PXDN: variants seen among roughly 807,000 people sequenced by gnomAD.
The protein encoded by PXDN is peroxidasin homolog.
In PXDN, 77 loss-of-function variants were observed where a neutral mutation model predicts 140.3. That is an observed-to-expected ratio of 0.55 (90% CI 0.46 to 0.66). PXDN has a LOEUF of 0.66. Among genes scored for constraint, PXDN ranks in the 30% least tolerant of loss-of-function variants. The pLI, the probability that PXDN is intolerant of heterozygous loss-of-function variation, is 0.00. For missense variants in PXDN, 1,838 were observed against 2,039.5 expected (o/e 0.90, Z 1.90); for synonymous variants, 911 against 857.4 (o/e 1.06, Z -1.09).
intron 1 of PXDN, among the ~76,000 whole-genome samples, chr2:1,728,273 C>A (rs1228553476): frequency 1.3e-5 from 2 of 152,234 alleles, no homozygotes; most frequent in Non-Finnish European, 2.9e-5. Context: ...GTAAACCCTG[C>A]AGCACAGATT....
intron 10 of PXDN, among the ~76,000 whole-genome samples, chr2:1,665,766 A>G (rs1683419526): frequency 6.6e-6 from 1 of 152,254 alleles, no homozygotes; most frequent in African/African-American, 2.4e-5. Context: ...TTTACAGTCA[A>G]TTAAGCAATG....
intron 1 of PXDN, among the ~76,000 whole-genome samples, chr2:1,708,437 CCAGT>C (rs1356792392): frequency 1.3e-5 from 2 of 152,164 alleles, no homozygotes; most frequent in Non-Finnish European, 2.9e-5. Flanking sequence ...CACCAAGAAC[CCAGT>C]CAGCCTCCGC....
At chr2:1,653,963 G>A in intron 15 of PXDN, 178 bp from the exon 16 acceptor site, 4 of 688,950 alleles carry the variant, frequency 5.8e-6, no homozygotes, top group Non-Finnish European at 9.1e-6. Context: ...AAAACAAACA[G>A]ACAAAAACCG....
chr2:1,663,980 T>C (rs1683371025), intron 11 of PXDN: 2 of 574,558 alleles, frequency 3.5e-6, no homozygotes, highest in South Asian at 4.3e-5. Flanking sequence ...GGGTTGACAG[T>C]GGCAGAGAAC....
intron 4 of PXDN, among the ~76,000 whole-genome samples, chr2:1,684,787 T>C (rs997242451): frequency 3.3e-5 from 5 of 152,228 alleles, no homozygotes; most frequent in African/African-American, 7.2e-5. Flanking sequence ...AATTTATACC[T>C]TTTGATATAA....
intron 3 of PXDN, among the ~76,000 whole-genome samples, chr2:1,690,027 A>C (rs1273815262): frequency 2.6e-5 from 4 of 152,214 alleles, no homozygotes; most frequent in African/African-American, 9.6e-5. Context: ...ATAATGAATA[A>C]ATTTCAGGAG....
In PXDN at chr2:1,685,297, G is replaced by C. The variant is rs1341128567; in HGVS notation, c.417-1146C>G. Among the ~76,000 whole-genome samples, 1 of 152,228 alleles carries C rather than the reference G, an allele frequency of 6.6e-6. No individual in the cohort carries two copies. Among genetic ancestry groups the C allele is most frequent in the Non-Finnish European group, 1.5e-5 (1 of 68,040 alleles). ...CGCACGAATGGGAAACGTGAGGGAA[G>C]GAAAAACTGGAGCAGGAAGACAAGG... On this transcript the variant is annotated intron_variant, in intron 4 of 22. Transcript: ENST00000252804. This position sits in a 1 kb window ranked among gnomAD's most constrained non-coding sequence, Gnocchi z 5.1.
intron 1 of PXDN, among the ~76,000 whole-genome samples, chr2:1,733,395 G>T (rs1254664614): frequency 6.6e-6 from 1 of 152,086 alleles, no homozygotes; most frequent in African/African-American, 2.4e-5. Flanking sequence ...GTACTGACAC[G>T]ATATGGGTGT....
rs1683276443 is a variant in PXDN, at chr2:1,660,400, G to A, written c.1837+481C>T. Among the ~76,000 whole-genome samples, 1 of 152,188 alleles carries A rather than the reference G, an allele frequency of 6.6e-6. No individual in the cohort carries two copies. Among genetic ancestry groups the A allele is most frequent in the South Asian group, 2.1e-4 (1 of 4,828 alleles). On this transcript the variant is annotated intron_variant, in intron 14 of 22. Coordinates refer to ENST00000252804, the MANE Select transcript of PXDN (RefSeq NM_012293.3). The surrounding 1 kb of genome is among the most constrained non-coding windows in gnomAD (Gnocchi z 4.6). ...CTCTAGGACCACCGACTGGATCTATGTAAGGCTGCCTACGAGCACCTAGAG... is the reference window on the plus strand; with the variant it reads ...CTCTAGGACCACCGACTGGATCTATATAAGGCTGCCTACGAGCACCTAGAG...
chr2:1,734,112 G>C (rs559078349), intron 1 of PXDN, among the ~76,000 whole-genome samples: 2 of 151,998 alleles, frequency 1.3e-5, no homozygotes, highest in Non-Finnish European at 2.9e-5. Context: ...ACAAAACTTG[G>C]GGCCAGAGAG....
intron 1 of PXDN, among the ~76,000 whole-genome samples, chr2:1,742,224 A>G (rs1299708145): frequency 7.9e-5 from 12 of 152,222 alleles, no homozygotes; most frequent in Admixed American, 7.9e-4. Context: ...GAAAATGGGT[A>G]TGTTCATTTC....
intron 1 of PXDN, among the ~76,000 whole-genome samples, chr2:1,737,695 C>T (rs1238374520): frequency 3.3e-5 from 5 of 151,966 alleles, no homozygotes; most frequent in Admixed American, 1.3e-4. Flanking sequence ...TGAGCCACCA[C>T]GCCCGGCTAA....
At chr2:1,709,193 C>G (rs559181295) in intron 1 of PXDN, among the ~76,000 whole-genome samples, 123 of 152,334 alleles carry the variant, frequency 8.1e-4, no homozygotes, top group African/African-American at 2.7e-3. Flanking sequence ...ATGGGCAATG[C>G]TGACCACAGG....
At chr2:1,723,655 G>A (rs1172469052) in intron 1 of PXDN, among the ~76,000 whole-genome samples, 1 of 151,974 alleles carries the variant, frequency 6.6e-6, no homozygotes, top group African/African-American at 2.4e-5. Context: ...TAAATGAATA[G>A]ATGGATGAAT....
chr2:1,700,396 C>T (rs934719744), intron 1 of PXDN, among the ~76,000 whole-genome samples: 10 of 151,944 alleles, frequency 6.6e-5, no homozygotes, highest in African/African-American at 9.7e-5. Flanking sequence ...GAGTATTTTG[C>T]GCATCTTAAC....
At chr2:1,675,692 T>C (rs1367364072) in intron 8 of PXDN, among the ~76,000 whole-genome samples, 1 of 152,180 alleles carries the variant, frequency 6.6e-6, no homozygotes, top group Non-Finnish European at 1.5e-5. Context: ...CCTGCTCCTG[T>C]CCATCTCTTC....
At chr2:1,666,781 T>C (rs1242891001) in intron 9 of PXDN, among the ~76,000 whole-genome samples, 2 of 152,224 alleles carry the variant, frequency 1.3e-5, no homozygotes, top group Non-Finnish European at 2.9e-5. Context: ...TGGAGGTTTC[T>C]TATTTCTAAA....
intron 2 of PXDN, 124 bp downstream of exon 2, chr2:1,692,939 C>T: frequency 1.1e-6 from 1 of 913,990 alleles, no homozygotes; most frequent in Non-Finnish European, 1.7e-6. Context: ...TTTCCAGCCT[C>T]ACTTTCCTGC....
chr2:1,649,449 G>T lies in PXDN; in HGVS notation c.2331C>A (p.Thr777=). 6.2e-7 allele frequency: 1 copy of T among 1,613,978 alleles called. No individual in the cohort carries two copies. Among genetic ancestry groups the T allele is most frequent in the South Asian group, 1.1e-5 (1 of 91,078 alleles). Residue 777 remains threonine, a synonymous_variant, in exon 17 of 23, where the codon ACC becomes ACA. Transcript: ENST00000252804. This position sits in a 1 kb window ranked among gnomAD's most constrained non-coding sequence, Gnocchi z 7.1. Reference sequence around the variant, plus strand: ...GTCGGTGGGGGTTGATGCCCCGAGGGGTGTTGAAGCCATTCTCGTACACGG... The same window carrying T: ...GTCGGTGGGGGTTGATGCCCCGAGGTGTGTTGAAGCCATTCTCGTACACGG... ...LKSVYENGFN[T]PRGINPHRLY...
Sources: allele counts gnomAD v4.1 joint callset (sites outside exome capture counted in the v4.1 genomes callset), GRCh38; gene constraint gnomAD v4.1.1; non-coding constraint Gnocchi (gnomAD v3.1); transcripts MANE v1.5; gene names NCBI Gene and HGNC (gene_info 2026-07-23, HGNC 2026-07-21).